CYP7B1: variants seen among roughly 807,000 people sequenced by gnomAD.
The protein encoded by CYP7B1 is cytochrome P450 7B1.
CYP7B1 carries 29 observed loss-of-function variants against 42.7 expected under a neutral mutation model. That is an observed-to-expected ratio of 0.68 (90% confidence interval 0.51 to 0.93). The LOEUF is 0.93. Among genes scored for constraint, CYP7B1 ranks in the 40% least tolerant of loss-of-function variants. The pLI is 0.00. For synonymous variants in CYP7B1, 235 were observed against 218.2 expected, an observed-to-expected ratio of 1.08 and a Z score of -0.68; for missense variants, 655 against 600.5, an observed-to-expected ratio of 1.09 and a Z score of -0.95.
At chr8:64,681,229 G>A (rs755325228) in intron 1 of CYP7B1, among the ~76,000 whole-genome samples, 1 of 152,172 alleles carries the variant, frequency 6.6e-6, no homozygotes, top group Non-Finnish European at 1.5e-5. Context: ...GGATCAGAAT[G>A]TCAACACTAC....
At chr8:64,760,152 T>G (rs1439184478) in intron 1 of CYP7B1, among the ~76,000 whole-genome samples, 1 of 152,114 alleles carries the variant, frequency 6.6e-6, no homozygotes, top group Non-Finnish European at 1.5e-5. Context: ...GGGGAAAGGA[T>G]AGTCTCCTCA....
rs973798656 is a variant in CYP7B1 at position 64,622,544 on chromosome 8, G to C, written c.259+1859C>G. On this transcript the variant is annotated intron_variant, in intron 2 of 5. Transcript: ENST00000310193. ...TCAGCAAGGCTGAAGTCTGGTTATA[G>C]TTAGGAGGGCTCTGGGAGATATGCA... is the stretch of plus-strand genomic sequence containing the variant. Among the ~76,000 whole-genome samples, 2 of 152,228 alleles carry C rather than the reference G, an allele frequency of 1.3e-5. 1 individual carries two copies. Among genetic ancestry groups the C allele is most frequent in the South Asian group, 4.1e-4 (2 of 4,822 alleles).
At chr8:64,702,754 G>A (rs1025427848) in intron 1 of CYP7B1, among the ~76,000 whole-genome samples, 3 of 152,034 alleles carry the variant, frequency 2.0e-5, no homozygotes, top group Admixed American at 6.6e-5. Flanking sequence ...TGGTGTGTGC[G>A]AAATAGTATA....
intron 1 of CYP7B1, among the ~76,000 whole-genome samples, chr8:64,722,404 T>C (rs1233806257): frequency 6.6e-6 from 1 of 152,190 alleles, no homozygotes; most frequent in Non-Finnish European, 1.5e-5. Context: ...AAATTCATTT[T>C]AATGTAAAGA....
chr8:64,605,663 C>A (rs1805268174), intron 4 of CYP7B1, among the ~76,000 whole-genome samples: 1 of 152,128 alleles, frequency 6.6e-6, no homozygotes, highest in South Asian at 2.1e-4. Flanking sequence ...GCGTGTAGCT[C>A]CTGTCTAGGT....
intron 1 of CYP7B1, among the ~76,000 whole-genome samples, chr8:64,742,518 T>C (rs1360562071): frequency 6.6e-6 from 1 of 152,222 alleles, no homozygotes; most frequent in Non-Finnish European, 1.5e-5. Context: ...ATAATTTTAA[T>C]TTGTTAGGGC....
intron 1 of CYP7B1, among the ~76,000 whole-genome samples, chr8:64,637,291 G>A (rs1274992976): frequency 1.3e-5 from 2 of 152,128 alleles, no homozygotes; most frequent in African/African-American, 2.4e-5. Context: ...AAAAGCCTGA[G>A]GCCCCATATG....
At chr8:64,704,215 A>G (rs1806959345) in intron 1 of CYP7B1, among the ~76,000 whole-genome samples, 1 of 152,018 alleles carries the variant, frequency 6.6e-6, no homozygotes, top group Admixed American at 6.6e-5. Context: ...TAGCTTGTCT[A>G]TTTTACCCAT....
chr8:64,615,891 A>T lies in CYP7B1; in HGVS notation c.650T>A (p.Leu217Ter), dbSNP rs1245262159. 1.9e-6 allele frequency: 3 copies of T among 1,613,558 alleles called. No homozygotes were observed. The highest frequency in any genetic ancestry group is 3.3e-5 in the Admixed American group (2 of 59,912). Reference protein sequence around the residue: ...KFISELRDDFLKFDDKFAYLV... With the variant: ...KFISELRDDF ...ATATGCAAACTTGTCATCAAATTTT[A>T]AAAAATCATCTCTTAGCTCACTAAT... The change falls in exon 3 of 6, where the codon TTA becomes TAA. Residue 217 changes from leucine to a stop codon, truncating the protein, a stop_gained. Transcript: ENST00000310193. LOFTEE classifies it high-confidence loss of function.
At chr8:64,740,635 T>C (rs953920212) in intron 1 of CYP7B1, among the ~76,000 whole-genome samples, 3 of 151,376 alleles carry the variant, frequency 2.0e-5, no homozygotes, top group African/African-American at 4.8e-5. Context: ...ACAGAGAAGA[T>C]ATAACTTGCC....
intron 2 of CYP7B1, among the ~76,000 whole-genome samples, chr8:64,622,606 A>T (rs1349478517): frequency 6.6e-6 from 1 of 152,230 alleles, no homozygotes; most frequent in East Asian, 1.9e-4. Flanking sequence ...CTCTTGAAAG[A>T]GCTGAATGCA....
At chr8:64,718,125 G>A (rs1239965229) in intron 1 of CYP7B1, among the ~76,000 whole-genome samples, 2 of 151,806 alleles carry the variant, frequency 1.3e-5, no homozygotes, top group African/African-American at 4.8e-5. Flanking sequence ...CTAGTATATG[G>A]CATTTCAAAG....
At chr8:64,751,945 T>A (rs1278969425) in intron 1 of CYP7B1, among the ~76,000 whole-genome samples, 2 of 152,188 alleles carry the variant, frequency 1.3e-5, no homozygotes, top group Non-Finnish European at 2.9e-5. Flanking sequence ...AATAAAAGTT[T>A]ATTTTTTTTC....
chr8:64,621,186 G>C (rs948634399), intron 2 of CYP7B1, among the ~76,000 whole-genome samples: 2 of 152,184 alleles, frequency 1.3e-5, no homozygotes, highest in Admixed American at 6.5e-5. Flanking sequence ...TGTTTCATCA[G>C]CTCTAAGAAA....
intron 1 of CYP7B1, among the ~76,000 whole-genome samples, chr8:64,704,745 C>T (rs1181643537): frequency 1.3e-5 from 2 of 151,982 alleles, no homozygotes; most frequent in African/African-American, 4.8e-5. Flanking sequence ...ACACATTTAT[C>T]TTAAAATGGT....
At chr8:64,597,345 A>G in intron 5 of CYP7B1, among the ~76,000 whole-genome samples, 1 of 152,196 alleles carries the variant, frequency 6.6e-6, no homozygotes, top group East Asian at 1.9e-4. Flanking sequence ...TAGCCACAGG[A>G]GCTGCCTAAC....
At chr8:64,745,929 T>G (rs1807637515) in intron 1 of CYP7B1, among the ~76,000 whole-genome samples, 3 of 152,196 alleles carry the variant, frequency 2.0e-5, no homozygotes, top group Non-Finnish European at 4.4e-5. Flanking sequence ...ATACTCACCC[T>G]GACAACGTCC....
At chr8:64,728,519 T>C (rs370882182) in intron 1 of CYP7B1, among the ~76,000 whole-genome samples, 2 of 152,182 alleles carry the variant, frequency 1.3e-5, no homozygotes, top group African/African-American at 2.4e-5. Context: ...CCAACCATAA[T>C]TGATGTGTAA....
intron 1 of CYP7B1, among the ~76,000 whole-genome samples, chr8:64,662,252 G>T (rs1375098246): frequency 6.6e-6 from 1 of 152,206 alleles, no homozygotes; most frequent in Non-Finnish European, 1.5e-5. Context: ...AGGATTACTT[G>T]AGCCTGGGAG....
Sources: gnomAD v4.1 joint callset for allele counts (sites outside exome capture counted in the v4.1 genomes callset) on GRCh38, gnomAD v4.1.1 for gene constraint, MANE v1.5 for transcripts, NCBI Gene and HGNC (gene_info 2026-07-23, HGNC 2026-07-21) for gene names.